Variants in TMPRSS11E observed in about 807,000 individuals in gnomAD.
TMPRSS11E encodes transmembrane serine protease 11E, also known as transmembrane protease serine 11E.
In TMPRSS11E, 38 loss-of-function variants were observed where a neutral mutation model predicts 48.1. The ratio of observed to expected loss-of-function variants is 0.79; its 90% confidence interval spans 0.61 to 1.04. TMPRSS11E has a LOEUF of 1.04. TMPRSS11E is among the 50% of genes least tolerant of loss of function. TMPRSS11E has a pLI of 0.00. For synonymous variants in TMPRSS11E, 158 were observed against 171.9 expected (o/e 0.92, Z 0.63); for missense variants, 530 against 510.8 (o/e 1.04, Z -0.36).
At chr4:68,455,030 T>A (rs1728591511) in intron 1 of TMPRSS11E, among the ~76,000 whole-genome samples, 1 of 151,928 alleles carries the variant, frequency 6.6e-6, no homozygotes, top group Admixed American at 6.6e-5. Flanking sequence ...TGGTAGAACT[T>A]ATTCCTTCTA....
intron 4 of TMPRSS11E, among the ~76,000 whole-genome samples, chr4:68,470,342 C>T (rs900040498): frequency 3.4e-4 from 51 of 151,684 alleles, no homozygotes; most frequent in African/African-American, 1.1e-3. Context: ...AAAATCACCA[C>T]TGATGCAAAA....
Position 68,456,201 on chromosome 4 carries a change from C to T in TMPRSS11E, c.12-5620C>T, listed in dbSNP as rs187353246. ...TATCATATGCAATCTTCACAACCTCCTTTTAAAGGTAAGGGAAAGATACTG... is the reference window on the plus strand; with the variant it reads ...TATCATATGCAATCTTCACAACCTCTTTTTAAAGGTAAGGGAAAGATACTG... On this transcript the variant is annotated intron_variant, in intron 1 of 9. Transcript: ENST00000305363. 3.9e-5 allele frequency among the ~76,000 whole-genome samples: 6 copies of T among 152,058 alleles called. 1 individual carries two copies. The highest frequency in any genetic ancestry group is 1.4e-4 in the African/African-American group (6 of 41,532).
At chr4:68,480,864 T>G (rs984728609) in intron 9 of TMPRSS11E, among the ~76,000 whole-genome samples, 1 of 152,160 alleles carries the variant, frequency 6.6e-6, no homozygotes, top group East Asian at 1.9e-4. Flanking sequence ...GGGTAAATTG[T>G]GTGTTGCTGG....
At chr4:68,476,923 A>G (rs1261121485) in intron 7 of TMPRSS11E, among the ~76,000 whole-genome samples, 1 of 152,224 alleles carries the variant, frequency 6.6e-6, no homozygotes, top group East Asian at 1.9e-4. Context: ...CAAGAAATGG[A>G]GGACCCTTCA....
intron 1 of TMPRSS11E, among the ~76,000 whole-genome samples, chr4:68,454,116 G>A (rs1397241280): frequency 6.6e-6 from 1 of 151,826 alleles, no homozygotes; most frequent in Non-Finnish European, 1.5e-5. Flanking sequence ...TAAATATTTG[G>A]GATAGGCGTC....
chr4:68,495,046 C>G (rs2109728163), intron 9 of TMPRSS11E, among the ~76,000 whole-genome samples: 1 of 152,232 alleles, frequency 6.6e-6, no homozygotes, highest in East Asian at 1.9e-4. Context: ...TAATTCCACT[C>G]CCATTATTCT....
At chr4:68,490,343 AAAT>A (rs1031049549) in intron 9 of TMPRSS11E, among the ~76,000 whole-genome samples, 1 of 150,266 alleles carries the variant, frequency 6.7e-6, no homozygotes, top group African/African-American at 2.4e-5. Context: ...TTAAATAATG[AAAT>A]AATAATAATT....
intron 3 of TMPRSS11E, among the ~76,000 whole-genome samples, chr4:68,468,023 A>T (rs1728970169): frequency 6.6e-6 from 1 of 152,118 alleles, no homozygotes; most frequent in Non-Finnish European, 1.5e-5. Flanking sequence ...TAACCCTTAA[A>T]TAAAAATTTT....
At chr4:68,471,370 C>T (rs990330558) in intron 4 of TMPRSS11E, 90 bp from the exon 5 acceptor site, 26 of 548,498 alleles carry the variant, frequency 4.7e-5, no homozygotes, top group Non-Finnish European at 8.5e-6. Flanking sequence ...CCTTTCTTCA[C>T]TTCCTCCTTC....
chr4:68,470,303 A>G (rs1729029656), intron 4 of TMPRSS11E, among the ~76,000 whole-genome samples: 1 of 151,874 alleles, frequency 6.6e-6, no homozygotes, highest in South Asian at 2.1e-4. Context: ...AGATATAGGG[A>G]AAGAGCAGGA....
intron 9 of TMPRSS11E, among the ~76,000 whole-genome samples, chr4:68,484,409 C>T (rs139395123): frequency 0.05 from 7,551 of 152,164 alleles, 266 homozygotes; most frequent in Non-Finnish European, 0.067. Context: ...TGGGCTCAAG[C>T]GATCCTCCCA....
chr4:68,455,377 A>G (rs1326489148), intron 1 of TMPRSS11E, among the ~76,000 whole-genome samples: 2 of 151,966 alleles, frequency 1.3e-5, no homozygotes, highest in Non-Finnish European at 2.9e-5. Flanking sequence ...ATGTGAAGAA[A>G]AGGAGAGCTC....
intron 3 of TMPRSS11E, 64 bp from the exon 4 acceptor site, chr4:68,468,815 A>T: frequency 8.3e-7 from 1 of 1,201,868 alleles, no homozygotes; most frequent in Non-Finnish European, 1.2e-6. Flanking sequence ...AAAAGCTTTG[A>T]ATTAATTTGT....
rs1191113057 is a variant in TMPRSS11E, at chr4:68,471,538, T to C, written c.405T>C (p.Asp135=). The C allele has an allele frequency of 6.2e-7, 1 of 1,611,718 alleles. No individual in the cohort carries two copies. Among genetic ancestry groups the C allele is most frequent in the South Asian group, 1.1e-5 (1 of 90,818 alleles). ...FHSTEDPETV[D]KIVQLVLHEK... ...CTACTGAGGATCCTGAAACTGTAGA[T>C]AAAATTGTTCAACTTGTTTTACATG... Residue 135 remains aspartate (D), a synonymous_variant, in exon 5 of 10, where the codon GAT becomes GAC. Coordinates refer to ENST00000305363, the MANE Select transcript of TMPRSS11E (RefSeq NM_014058.4).
chr4:68,481,744 G>T (rs1487720098), intron 9 of TMPRSS11E, among the ~76,000 whole-genome samples: 2 of 152,186 alleles, frequency 1.3e-5, no homozygotes, highest in African/African-American at 4.8e-5. Flanking sequence ...GAGCTCAGAA[G>T]TTCAAGACCA....
chr4:68,496,515 T>C (rs1729868692), intron 9 of TMPRSS11E, 128 bp from the exon 10 acceptor site: 1 of 904,558 alleles, frequency 1.1e-6, no homozygotes. Context: ...AGAAAATCAC[T>C]TATGCATGCG....
chr4:68,474,544 G>T (rs996623069), intron 5 of TMPRSS11E, among the ~76,000 whole-genome samples, 179 bp from the exon 6 acceptor site: 3 of 152,010 alleles, frequency 2.0e-5, no homozygotes, highest in South Asian at 4.1e-4. Context: ...TTAACACACC[G>T]TTCACATTCT....
chr4:68,458,623 T>C (rs1408115292), intron 1 of TMPRSS11E, among the ~76,000 whole-genome samples: 1 of 152,188 alleles, frequency 6.6e-6, no homozygotes, highest in Non-Finnish European at 1.5e-5. Flanking sequence ...ATTCCTTCAC[T>C]TTACTACTTT....
At chr4:68,488,523 C>T (rs1729625482) in intron 9 of TMPRSS11E, among the ~76,000 whole-genome samples, 1 of 151,744 alleles carries the variant, frequency 6.6e-6, no homozygotes, top group South Asian at 2.1e-4. Flanking sequence ...CTTTTCTTTC[C>T]TTTTTTCTTT....
Sources: allele counts gnomAD v4.1 joint callset (sites outside exome capture counted in the v4.1 genomes callset), GRCh38; gene constraint gnomAD v4.1.1; transcripts MANE v1.5; gene names NCBI Gene and HGNC (gene_info 2026-07-23, HGNC 2026-07-21).